The following SLC35F5 variants were observed in gnomAD, a reference collection of about 807,000 sequenced individuals.
The protein encoded by SLC35F5 is HCV NS5A-transactivated protein 3.
In SLC35F5, 54 loss-of-function variants were observed where a neutral mutation model predicts 68.6. The ratio of observed to expected loss-of-function variants is 0.79; its 90% CI spans 0.63 to 0.99. The LOEUF is 0.99. Ranked by LOEUF, SLC35F5 falls within the 50% of genes least tolerant of loss-of-function variation. SLC35F5 has a pLI of 0.00. For synonymous variants in SLC35F5, 211 were observed against 205.2 expected (o/e 1.03, Z -0.24); for missense variants, 567 against 626.9 (o/e 0.90, Z 1.02).
chr2:113,735,059 A>C (rs1688033059), intron 8 of SLC35F5, among the ~76,000 whole-genome samples: 2 of 152,212 alleles, frequency 1.3e-5, no homozygotes, highest in African/African-American at 4.8e-5. Context: ...ATTCAATCTT[A>C]AAAATAAAAC....
intron 3 of SLC35F5, among the ~76,000 whole-genome samples, chr2:113,753,205 T>G (rs1676828813): frequency 7.9e-6 from 1 of 126,626 alleles, no homozygotes; most frequent in African/African-American, 3.0e-5. Context: ...TGCTAAGGAG[T>G]TTCACTCTTG....
Position 113,712,349 on chromosome 2 carries a change from C to T in SLC35F5, c.*2869G>A, listed in dbSNP as rs1156938108. Among the ~76,000 whole-genome samples, 1 of 151,796 alleles carries T rather than the reference C, an allele frequency of 6.6e-6. No individual in the cohort carries two copies. The highest frequency in any genetic ancestry group is 2.4e-5 in the African/African-American group (1 of 41,292). ...TTTTTTTTTTTTTGAGACGGAGTCT[C>T]GCTGTCGCCCAGGCTGGAGTGCAGG... On this transcript the variant is annotated 3_prime_UTR_variant, in exon 16 of 16. Coordinates refer to ENST00000245680, the MANE Select transcript of SLC35F5 (RefSeq NM_025181.5).
chr2:113,734,244 G>C (rs536041468), intron 9 of SLC35F5, among the ~76,000 whole-genome samples: 131 of 152,306 alleles, frequency 8.6e-4, no homozygotes, highest in Non-Finnish European at 1.2e-3. Flanking sequence ...TCAAAACAAA[G>C]AGGGGAAATT....
rs150656361 is a variant in SLC35F5, at chr2:113,742,772, C to A, written c.670G>T (p.Glu224Ter). ...KLSRMSYPVK[E>*]QESILKTVGK... ...ACAGTTTTCAGTATGGATTCTTGTT[C>A]TTTCACAGGATATGACATGCGAGAC... The change falls in exon 7 of 16, where the codon GAA becomes TAA. Residue 224 changes from glutamate (E) to a stop codon, truncating the protein, a stop_gained. Transcript: ENST00000245680. LOFTEE classifies it high-confidence loss of function. 1 of 1,614,048 alleles carries A rather than the reference C, an allele frequency of 6.2e-7. No individual in the cohort carries two copies. The highest frequency in any genetic ancestry group is 2.2e-5 in the East Asian group (1 of 44,872).
intron 4 of SLC35F5, among the ~76,000 whole-genome samples, chr2:113,746,685 CA>C (rs1432680222): frequency 6.6e-6 from 1 of 152,008 alleles, no homozygotes; most frequent in Non-Finnish European, 1.5e-5. Context: ...AGGCAAGTAA[CA>C]GGCCAAGGCT....
intron 9 of SLC35F5, among the ~76,000 whole-genome samples, chr2:113,734,019 A>G (rs1687993728): frequency 6.6e-6 from 1 of 152,262 alleles, no homozygotes; most frequent in Non-Finnish European, 1.5e-5. Context: ...ATGGCCTTCA[A>G]GGGTTTACAA....
intron 8 of SLC35F5, among the ~76,000 whole-genome samples, chr2:113,735,553 T>C (rs1162872526): frequency 6.6e-6 from 1 of 152,230 alleles, no homozygotes; most frequent in African/African-American, 2.4e-5. Flanking sequence ...TACAGTATTA[T>C]AATCTTATGG....
chr2:113,725,384 C>G lies in SLC35F5; in HGVS notation c.1244G>C (p.Trp415Ser). ...GAGAATAAACAGTACATACCACAAC[C>G]ACAGGAACTCTGAGAGTACTGTTCC... ...LIGTVLSEFL[W>S]LWGCFLTSSL... is the part of the protein sequence containing the mutation. Residue 415 changes from tryptophan to serine, a missense_variant, in exon 12 of 16, where the codon TGG (tryptophan) becomes TCG (serine). Coordinates refer to ENST00000245680, the MANE Select transcript of SLC35F5 (RefSeq NM_025181.5). 6.2e-7 allele frequency: 1 copy of G among 1,600,418 alleles called. No homozygotes were observed. The highest frequency in any genetic ancestry group is 8.5e-7 in the Non-Finnish European group (1 of 1,176,430).
chr2:113,756,263 G>A, intron 1 of SLC35F5, 107 bp downstream of exon 1: 1 of 1,541,006 alleles, frequency 6.5e-7, no homozygotes, highest in Middle Eastern at 1.7e-4. Context: ...TCACGGTTTC[G>A]GTCAAGGCGC....
In SLC35F5 at chr2:113,756,496, C is replaced by T. The variant is rs756254609; in HGVS notation, c.-87G>A. On this transcript the variant is annotated 5_prime_UTR_variant, in exon 1 of 16. Coordinates refer to ENST00000245680, the MANE Select transcript of SLC35F5 (RefSeq NM_025181.5). Reference sequence around the variant, plus strand: ...GCTGTCACCGCGCCTGACATCGCGCCGCACTGGAGGCCCAGCTCCTGAAGA... The same window carrying T: ...GCTGTCACCGCGCCTGACATCGCGCTGCACTGGAGGCCCAGCTCCTGAAGA... 92 of 1,519,340 alleles carry T rather than the reference C, an allele frequency of 6.1e-5. No individual in the cohort carries two copies. Among genetic ancestry groups the T allele is most frequent in the Non-Finnish European group, 7.7e-5 (88 of 1,137,520 alleles). 94.1% of individuals were successfully genotyped at this position (1,519,340 alleles called of 1,614,324 possible).
chr2:113,736,877 A>ATG (rs572750827), intron 7 of SLC35F5, among the ~76,000 whole-genome samples: 139 of 152,248 alleles, frequency 9.1e-4, no homozygotes, highest in African/African-American at 3.2e-3. Flanking sequence ...GGTTGGCAGG[A>ATG]TGTGTGTGTG....
At chr2:113,751,652 A>G (rs1187146677) in intron 3 of SLC35F5, among the ~76,000 whole-genome samples, 1 of 151,832 alleles carries the variant, frequency 6.6e-6, no homozygotes, top group African/African-American at 2.4e-5. Context: ...TCTACAAAAA[A>G]TACAAAAATT....
chr2:113,730,457 T>C (rs1453932404), intron 10 of SLC35F5, among the ~76,000 whole-genome samples: 1 of 152,228 alleles, frequency 6.6e-6, no homozygotes, highest in Non-Finnish European at 1.5e-5. Context: ...TATTGTTTTA[T>C]ATACACAAAG....
intron 1 of SLC35F5, chr2:113,756,000 C>G: frequency 6.5e-7 from 1 of 1,531,084 alleles, no homozygotes; most frequent in Non-Finnish European, 8.8e-7. Flanking sequence ...CCTTTCCAAT[C>G]TCTTCAAGTG....
chr2:113,754,118 C>A (rs922733749), intron 3 of SLC35F5, among the ~76,000 whole-genome samples: 3 of 151,776 alleles, frequency 2.0e-5, no homozygotes, highest in African/African-American at 7.3e-5. Flanking sequence ...GGTGAAACCC[C>A]GTCTCTACTA....
Position 113,718,929 on chromosome 2 carries a change from A to G in SLC35F5, c.1496+225T>C, listed in dbSNP as rs560764189. Among the ~76,000 whole-genome samples, 24 of 103,588 alleles carry G rather than the reference A, an allele frequency of 2.3e-4. 1 individual carries two copies. The highest frequency in any genetic ancestry group is 6.8e-4 in the East Asian group (3 of 4,444). 68.0% of individuals were successfully genotyped at this position (103,588 alleles called of 152,430 possible). On this transcript the variant is annotated intron_variant, in intron 14 of 15. Coordinates refer to ENST00000245680, the MANE Select transcript of SLC35F5 (RefSeq NM_025181.5). ...AGAAAGAAAGAAAGAAAGAAAGAAA[A>G]AGAAAGGAAGAAAGGAAGGAAGGAA...
intron 9 of SLC35F5, among the ~76,000 whole-genome samples, chr2:113,732,007 T>C (rs917475192): frequency 2.0e-5 from 3 of 152,194 alleles, no homozygotes; most frequent in African/African-American, 7.2e-5. Context: ...AGTGCTTTTA[T>C]GTGCTATGCT....
chr2:113,721,706 C>T (rs1553475838), intron 13 of SLC35F5, among the ~76,000 whole-genome samples: 1 of 151,948 alleles, frequency 6.6e-6, no homozygotes. Flanking sequence ...GGATTATGAC[C>T]TGAAGATGAA....
chr2:113,744,150 G>A (rs1676393572), intron 5 of SLC35F5, among the ~76,000 whole-genome samples: 1 of 152,136 alleles, frequency 6.6e-6, no homozygotes, highest in Non-Finnish European at 1.5e-5. Flanking sequence ...CATAGTAGGA[G>A]TCTGAGCTCC....
Sources: allele counts gnomAD v4.1 joint callset (sites outside exome capture counted in the v4.1 genomes callset), GRCh38; gene constraint gnomAD v4.1.1; transcripts MANE v1.5; gene names NCBI Gene and HGNC (gene_info 2026-07-23, HGNC 2026-07-21).